Variants in CCDC178 observed in about 807,000 individuals in gnomAD.
CCDC178 encodes coiled-coil domain containing 178.
In CCDC178, 126 loss-of-function variants were observed where a neutral mutation model predicts 117.4. The observed-to-expected ratio is 1.07, with a 90% CI of 0.93 to 1.24. The LOEUF is 1.24. CCDC178 is among the 50% of genes most tolerant of loss of function. The pLI is 0.00. For synonymous variants in CCDC178, 283 were observed against 313.4 expected (o/e 0.90, Z 1.02); for missense variants, 1,030 against 986.9 (o/e 1.04, Z -0.59).
At chr18:33,425,831 C>T (rs1342363032) in intron 2 of CCDC178, among the ~76,000 whole-genome samples, 2 of 152,094 alleles carry the variant, frequency 1.3e-5, no homozygotes, top group African/African-American at 4.8e-5. Flanking sequence ...AGGCTCTCTT[C>T]CAAAAATAGC....
At chr18:32,978,472 A>G (rs1029577974) in intron 21 of CCDC178, among the ~76,000 whole-genome samples, 1 of 152,132 alleles carries the variant, frequency 6.6e-6, no homozygotes, top group Admixed American at 6.6e-5. Flanking sequence ...GAAAGTGATT[A>G]TGAAAAAAAC....
At chr18:33,396,103 T>C (rs934625534) in intron 4 of CCDC178, among the ~76,000 whole-genome samples, 1 of 151,948 alleles carries the variant, frequency 6.6e-6, no homozygotes, top group Non-Finnish European at 1.5e-5. Flanking sequence ...TAAAAATCAA[T>C]GTGAAAAAAG....
intron 20 of CCDC178, among the ~76,000 whole-genome samples, chr18:33,099,333 C>A (rs1194673786): frequency 2.6e-5 from 4 of 152,076 alleles, no homozygotes; most frequent in Admixed American, 6.6e-5. Context: ...CCAATGAATC[C>A]CCACAGGCCT....
At chr18:33,335,745 A>C (rs1459856432) in intron 9 of CCDC178, among the ~76,000 whole-genome samples, 2 of 151,734 alleles carry the variant, frequency 1.3e-5, no homozygotes, top group Non-Finnish European at 2.9e-5. Flanking sequence ...TTTATTTTTA[A>C]ACCTTTTCAT....
intron 12 of CCDC178, among the ~76,000 whole-genome samples, chr18:33,292,306 T>C (rs761229677): frequency 1.8e-4 from 28 of 152,136 alleles, no homozygotes; most frequent in Admixed American, 7.9e-4. Context: ...TTATGTCAAG[T>C]GAAATAAGCC....
intron 21 of CCDC178, among the ~76,000 whole-genome samples, chr18:33,050,737 A>G: frequency 6.6e-6 from 1 of 152,202 alleles, no homozygotes; most frequent in East Asian, 1.9e-4. Context: ...ATTGAAGAAT[A>G]TCTTCATTGG....
At chr18:32,947,764 A>G (rs2054388970) in intron 22 of CCDC178, among the ~76,000 whole-genome samples, 1 of 152,156 alleles carries the variant, frequency 6.6e-6, no homozygotes, top group African/African-American at 2.4e-5. Flanking sequence ...GGTGCTGTAC[A>G]TAAGACATCT....
At chr18:33,173,352 T>C (rs1458971159) in intron 20 of CCDC178, among the ~76,000 whole-genome samples, 2 of 152,164 alleles carry the variant, frequency 1.3e-5, no homozygotes, top group Non-Finnish European at 2.9e-5. Flanking sequence ...CTGGCTTGCA[T>C]TCAGTTTTAT....
At chr18:33,113,750 T>C (rs1056894735) in intron 20 of CCDC178, among the ~76,000 whole-genome samples, 1 of 152,024 alleles carries the variant, frequency 6.6e-6, no homozygotes, top group African/African-American at 2.4e-5. Flanking sequence ...GACTACTATA[T>C]GAGAGGCTAT....
At position 33,425,466 on chromosome 18, in the gene CCDC178, T is replaced by C. The variant is rs529650809; in HGVS notation, c.-22-13356A>G. 5.6e-4 allele frequency among the ~76,000 whole-genome samples: 86 copies of C among 152,332 alleles called. 1 individual carries two copies. The highest frequency in any genetic ancestry group is 2.0e-3 in the African/African-American group (82 of 41,574). On this transcript the variant is annotated intron_variant, in intron 2 of 22. Coordinates refer to ENST00000383096, the MANE Select transcript of CCDC178 (RefSeq NM_001105528.4). The stretch of plus-strand genomic sequence containing the variant: ...TTTATAGTCATTTCAATTTTCTTTC[T>C]GCAGTTTGACTTTTCCGTGTTTCAG...
At chr18:33,274,333 GA>G (rs1261448642) in intron 12 of CCDC178, among the ~76,000 whole-genome samples, 1 of 151,860 alleles carries the variant, frequency 6.6e-6, no homozygotes, top group Non-Finnish European at 1.5e-5. Context: ...AGTCACTTTG[GA>G]AAATAGTTCG....
At chr18:33,191,535 G>A (rs1423189599) in intron 20 of CCDC178, among the ~76,000 whole-genome samples, 3 of 152,026 alleles carry the variant, frequency 2.0e-5, no homozygotes, top group South Asian at 2.1e-4. Flanking sequence ...TTCTATTAAC[G>A]TAATGCATCC....
intron 20 of CCDC178, among the ~76,000 whole-genome samples, chr18:33,154,399 A>C (rs1046663041): frequency 6.6e-6 from 1 of 152,178 alleles, no homozygotes; most frequent in South Asian, 2.1e-4. Flanking sequence ...ACTGACTCCA[A>C]GGTGATCTGG....
chr18:33,203,076 T>C (rs2144562307), intron 20 of CCDC178, among the ~76,000 whole-genome samples: 1 of 152,326 alleles, frequency 6.6e-6, no homozygotes, highest in African/African-American at 2.4e-5. Flanking sequence ...CTATTGTAAC[T>C]CTGGATATTA....
At chr18:33,096,714 A>G (rs1417262729) in intron 20 of CCDC178, among the ~76,000 whole-genome samples, 4 of 152,202 alleles carry the variant, frequency 2.6e-5, no homozygotes, top group South Asian at 2.1e-4. Flanking sequence ...AACAGGAAAC[A>G]TTCCTCCAGA....
chr18:33,337,676 C>T lies in CCDC178; in HGVS notation c.659-4282G>A, dbSNP rs192947034. ...AGTGAGGAAAGGACACCCTATTCAA[C>T]AAATGGTGCTAGGATAATTGGCAAG... On this transcript the variant is annotated intron_variant, in intron 9 of 22. Transcript: ENST00000383096. Among the ~76,000 whole-genome samples, 61 of 152,222 alleles carry T rather than the reference C, an allele frequency of 4.0e-4. 3 individuals are homozygous for T. Among genetic ancestry groups the T allele is most frequent in the Admixed American group, 2.4e-3 (36 of 15,290 alleles).
chr18:33,248,305 G>C (rs1009423740), intron 14 of CCDC178, among the ~76,000 whole-genome samples: 1 of 151,244 alleles, frequency 6.6e-6, no homozygotes, highest in Non-Finnish European at 1.5e-5. Context: ...TAACTTCTAG[G>C]GTACATGTGC....
At chr18:33,272,637 C>A (rs1457954271) in intron 12 of CCDC178, among the ~76,000 whole-genome samples, 1 of 151,474 alleles carries the variant, frequency 6.6e-6, no homozygotes, top group Admixed American at 6.6e-5. Context: ...AATTTAGACA[C>A]AAAAATCCTT....
chr18:33,114,256 T>C (rs1260611255), intron 20 of CCDC178, among the ~76,000 whole-genome samples: 2 of 151,894 alleles, frequency 1.3e-5, no homozygotes, highest in African/African-American at 4.8e-5. Context: ...AGAAAGAATA[T>C]GGAGGAAGAG....
Sources: allele counts gnomAD v4.1 joint callset (sites outside exome capture counted in the v4.1 genomes callset), GRCh38; gene constraint gnomAD v4.1.1; transcripts MANE v1.5; gene names NCBI Gene and HGNC (gene_info 2026-07-23, HGNC 2026-07-21).